Variants in GATB observed in about 807,000 individuals in gnomAD.
GATB encodes glutamyl-tRNA amidotransferase subunit B.
A neutral mutation model predicts 62.3 loss-of-function variants in GATB; 39 were observed. The ratio of observed to expected loss-of-function variants is 0.63; its 90% CI spans 0.48 to 0.82. The LOEUF is 0.82. Among genes scored for constraint, GATB ranks in the 40% least tolerant of loss-of-function variants. GATB has a pLI of 0.00. For synonymous variants in GATB, 276 were observed against 258.9 expected, an observed-to-expected ratio of 1.07 and a Z score of -0.63; for missense variants, 670 against 684.0, an observed-to-expected ratio of 0.98 and a Z score of 0.23.
At chr4:151,732,024 C>T (rs1234607107) in intron 2 of GATB, among the ~76,000 whole-genome samples, 9 of 131,938 alleles carry the variant, frequency 6.8e-5, no homozygotes, top group African/African-American at 9.5e-5. Context: ...TCAGCCCCCG[C>T]CCGGCCAGCC....
At chr4:151,719,590 C>T in intron 2 of GATB, 52 bp from the exon 3 acceptor site, 1 of 1,234,074 alleles carries the variant, frequency 8.1e-7, no homozygotes, top group South Asian at 1.4e-5. Flanking sequence ...TGAACAAATG[C>T]TTCTCCCACA....
intron 9 of GATB, among the ~76,000 whole-genome samples, chr4:151,696,406 C>T (rs1454778488): frequency 6.6e-6 from 1 of 152,194 alleles, no homozygotes; most frequent in East Asian, 1.9e-4. Flanking sequence ...ACTCTGTTTT[C>T]TCCACTAATG....
chr4:151,722,340 C>A lies in GATB; in HGVS notation c.328-2802G>T, dbSNP rs79858252. 5.7e-5 allele frequency: 36 copies of A among 633,412 alleles called. No homozygotes were observed. The South Asian group carries it at 6.7e-4, about 12-fold the overall frequency. 39.2% of individuals were successfully genotyped at this position (633,412 alleles called of 1,614,324 possible). On this transcript the variant is annotated intron_variant, in intron 2 of 12. Transcript: ENST00000263985. Reference sequence around the variant, plus strand: ...ACATGAACCTGCCAGCATCTGCAAACCCTTTTCAAGTTTGTCTTTCATACT... The same window carrying A: ...ACATGAACCTGCCAGCATCTGCAAAACCTTTTCAAGTTTGTCTTTCATACT...
At chr4:151,757,627 C>T (rs1739861169) in intron 2 of GATB, among the ~76,000 whole-genome samples, 1 of 152,086 alleles carries the variant, frequency 6.6e-6, no homozygotes, top group Admixed American at 6.6e-5. Context: ...AGCCCACCAC[C>T]ATGCCCGGCT....
At chr4:151,720,094 A>G (rs2126979820) in intron 2 of GATB, 1 of 152,578 alleles carries the variant, frequency 6.6e-6, no homozygotes, top group South Asian at 2.1e-4. Flanking sequence ...TGGAACGCCA[A>G]CGGAGGGCCT....
At chr4:151,717,212 A>G in intron 3 of GATB, 138 bp from the exon 4 acceptor site, 1 of 785,532 alleles carries the variant, frequency 1.3e-6, no homozygotes, top group Admixed American at 2.7e-5. Context: ...GAAAAGGAGA[A>G]AAAAATTAGT....
intron 9 of GATB, among the ~76,000 whole-genome samples, chr4:151,693,362 T>G (rs1391664705): frequency 6.6e-6 from 1 of 152,144 alleles, no homozygotes; most frequent in Admixed American, 6.5e-5. Flanking sequence ...CTTCTGCTTT[T>G]CACAGAAACA....
intron 9 of GATB, among the ~76,000 whole-genome samples, chr4:151,693,457 CAAACAGAAGTT>C (rs1332093329): frequency 2.6e-5 from 4 of 152,238 alleles, no homozygotes; most frequent in Admixed American, 2.6e-4. Flanking sequence ...GTGGAGAAAA[CAAACAGAAGTT>C]AACTGGTGGT....
At chr4:151,680,384 A>G (rs1348114529) in intron 10 of GATB, among the ~76,000 whole-genome samples, 1 of 152,154 alleles carries the variant, frequency 6.6e-6, no homozygotes, top group Non-Finnish European at 1.5e-5. Context: ...CACAATGACT[A>G]CCAGCCACAT....
chr4:151,758,715 T>C (rs759479299), intron 2 of GATB, 57 bp downstream of exon 2: 20 of 1,298,870 alleles, frequency 1.5e-5, no homozygotes, highest in Non-Finnish European at 2.0e-5. Flanking sequence ...TAATTTTCCA[T>C]GTTCAATATA....
At position 151,760,791 on chromosome 4, in the gene GATB, G is replaced by A; in HGVS notation, c.176+16C>T. ...ACCTCACAGTTAGGTGGGCAGAAAT[G>A]TATGAAACAGAATACCCTTTCCTCG... On this transcript the variant is annotated intron_variant, in intron 1 of 12. Coordinates refer to ENST00000263985, the MANE Select transcript of GATB (RefSeq NM_004564.3). The A allele has an allele frequency of 1.2e-5, 19 of 1,579,212 alleles. No homozygotes were observed. The highest frequency in any genetic ancestry group is 1.5e-5 in the Non-Finnish European group (17 of 1,160,658).
At chr4:151,672,268 T>C (rs184376317) in intron 12 of GATB, among the ~76,000 whole-genome samples, 187 of 152,350 alleles carry the variant, frequency 1.2e-3, no homozygotes, top group Admixed American at 4.4e-3. Context: ...CATGCTCCTG[T>C]CAGGGATTTT....
intron 2 of GATB, chr4:151,723,771 A>T (rs1241094294): frequency 6.6e-6 from 1 of 152,216 alleles, no homozygotes; most frequent in Non-Finnish European, 1.5e-5. Context: ...ACAATGATTT[A>T]TCAAATAAGA....
At chr4:151,678,984 C>T (rs556007025) in intron 11 of GATB, among the ~76,000 whole-genome samples, 23 of 152,322 alleles carry the variant, frequency 1.5e-4, no homozygotes, top group Non-Finnish European at 2.6e-4. Context: ...CAACCTCCAC[C>T]TCCCTAATTG....
chr4:151,699,474 C>G (rs574272608), intron 9 of GATB, among the ~76,000 whole-genome samples: 2 of 151,850 alleles, frequency 1.3e-5, no homozygotes, highest in Non-Finnish European at 2.9e-5. Flanking sequence ...TATAGACTCA[C>G]TCATCTGCCA....
At chr4:151,754,554 T>C (rs1036056093) in intron 2 of GATB, among the ~76,000 whole-genome samples, 4 of 152,240 alleles carry the variant, frequency 2.6e-5, no homozygotes, top group Non-Finnish European at 5.9e-5. Context: ...ATCCAATATA[T>C]GCCAGCTGAG....
chr4:151,747,437 G>C (rs1303282643), intron 2 of GATB, among the ~76,000 whole-genome samples: 1 of 152,232 alleles, frequency 6.6e-6, no homozygotes, highest in African/African-American at 2.4e-5. Flanking sequence ...TGTGCAGCTT[G>C]ACGCTGGCAC....
At chr4:151,725,945 C>T (rs1010598532) in intron 2 of GATB, among the ~76,000 whole-genome samples, 5 of 152,140 alleles carry the variant, frequency 3.3e-5, no homozygotes, top group Admixed American at 2.6e-4. Context: ...ATCAGCACAT[C>T]CTTAAAAAAT....
In GATB at chr4:151,730,566, TGA is replaced by T. The variant is rs1250106010; in HGVS notation, c.328-11030_328-11029del. On this transcript the variant is annotated intron_variant, in intron 2 of 12. Coordinates refer to ENST00000263985, the MANE Select transcript of GATB (RefSeq NM_004564.3). This position sits in a 1 kb window ranked among gnomAD's most constrained non-coding sequence, Gnocchi z 4.1. The stretch of plus-strand genomic sequence containing the variant: ...CAGAACAGGCGCTGGTATTCACGGC[TGA>T]GAGACCAATGGATGGTTCACATCAC... Among the ~76,000 whole-genome samples the T allele has an allele frequency of 6.6e-6, 1 of 152,216 alleles. No individual in the cohort carries two copies. The highest frequency in any genetic ancestry group is 2.4e-5 in the African/African-American group (1 of 41,452).
Sources: allele counts gnomAD v4.1 joint callset (sites outside exome capture counted in the v4.1 genomes callset), GRCh38; gene constraint gnomAD v4.1.1; non-coding constraint Gnocchi (gnomAD v3.1); transcripts MANE v1.5; gene names NCBI Gene and HGNC (gene_info 2026-07-23, HGNC 2026-07-21).